Variants in IGF2BP2 observed in about 807,000 individuals in gnomAD.
IGF2BP2 encodes the protein insulin-like growth factor 2 mRNA-binding protein 2.
A neutral mutation model predicts 75.8 loss-of-function variants in IGF2BP2; 17 were observed. The ratio of observed to expected loss-of-function variants is 0.22; its 90% CI spans 0.15 to 0.34. The LOEUF is 0.34. Among genes scored for constraint, IGF2BP2 ranks in the 10% least tolerant of loss-of-function variants. The pLI is 1.00. For missense variants in IGF2BP2, 516 were observed against 772.4 expected (o/e 0.67, Z 3.93); for synonymous variants, 288 against 295.6 (o/e 0.97, Z 0.26).
At chr3:185,680,183 C>T (rs1294535073) in intron 7 of IGF2BP2, among the ~76,000 whole-genome samples, 1 of 152,036 alleles carries the variant, frequency 6.6e-6, no homozygotes, top group Non-Finnish European at 1.5e-5. Context: ...GAATTGTATG[C>T]CTACAAATTT....
intron 2 of IGF2BP2, among the ~76,000 whole-genome samples, chr3:185,720,313 C>G (rs375600303): frequency 1.3e-5 from 2 of 152,166 alleles, no homozygotes; most frequent in South Asian, 2.1e-4. Context: ...TGTAAATACT[C>G]TCACCAAAGC....
At chr3:185,659,105 G>T (rs542505112) in intron 10 of IGF2BP2, among the ~76,000 whole-genome samples, 1 of 152,262 alleles carries the variant, frequency 6.6e-6, no homozygotes, top group South Asian at 2.1e-4. Flanking sequence ...TCTGGTCCCA[G>T]TTACTCAGGA....
intron 12 of IGF2BP2, among the ~76,000 whole-genome samples, chr3:185,654,596 G>A (rs111833973): frequency 7.8e-4 from 119 of 152,360 alleles, no homozygotes; most frequent in Middle Eastern, 3.4e-3. Context: ...GCACTGGCCA[G>A]CCTAGTCCAG....
In IGF2BP2 at chr3:185,749,869, A is replaced by T. The variant is rs149256311; in HGVS notation, c.240-51522T>A. Among the ~76,000 whole-genome samples the T allele has an allele frequency of 8.5e-5, 13 of 152,348 alleles. No individual in the cohort carries two copies. In the East Asian group the frequency reaches 2.1e-3, roughly 25 times the overall value. ...CCAGAAAGAAATGAGCCTGTGCCTG[A>T]GAAAAATCAGGCAAACACACATCTT... is the stretch of plus-strand genomic sequence containing the variant. On this transcript the variant is annotated intron_variant, in intron 2 of 15. Transcript: ENST00000382199.
chr3:185,722,732 C>T (rs976563397), intron 2 of IGF2BP2, among the ~76,000 whole-genome samples: 93 of 152,152 alleles, frequency 6.1e-4, no homozygotes, highest in African/African-American at 2.0e-3. Context: ...TCAGGGCTGG[C>T]GGGTAGAGAA....
chr3:185,717,164 TGGTTTCCTGA>T (rs1725764580), intron 2 of IGF2BP2: 1 of 186,990 alleles, frequency 5.3e-6, no homozygotes, highest in African/African-American at 2.3e-5. Flanking sequence ...TGAGAGAGAC[TGGTTTCCTGA>T]GGGCTGGGCA....
chr3:185,785,059 G>C (rs1735684592), intron 2 of IGF2BP2, among the ~76,000 whole-genome samples: 1 of 152,108 alleles, frequency 6.6e-6, no homozygotes, highest in African/African-American at 2.4e-5. Flanking sequence ...CCAGCATTTT[G>C]GGAGGCAGGG....
chr3:185,820,235 TACACACACACACACACAC>T (rs202064714), intron 2 of IGF2BP2, among the ~76,000 whole-genome samples: 6 of 102,814 alleles, frequency 5.8e-5, no homozygotes, highest in African/African-American at 1.5e-4. Flanking sequence ...TATATACACA[TACACACACACACACACAC>T]ACACACACAC....
chr3:185,728,121 T>A (rs1727614208), intron 2 of IGF2BP2: 1 of 152,258 alleles, frequency 6.6e-6, no homozygotes, highest in African/African-American at 2.4e-5. Flanking sequence ...AAATAAAGAA[T>A]TGACCAGGAC....
intron 2 of IGF2BP2, among the ~76,000 whole-genome samples, chr3:185,807,613 G>A (rs940510275): frequency 6.6e-6 from 1 of 152,164 alleles, no homozygotes; most frequent in Non-Finnish European, 1.5e-5. Flanking sequence ...CTCATCTCCT[G>A]GTATTCAACT....
chr3:185,646,185 G>A (rs1169448694), intron 15 of IGF2BP2, among the ~76,000 whole-genome samples: 1 of 152,206 alleles, frequency 6.6e-6, no homozygotes. Flanking sequence ...CTGAGGAGCT[G>A]AGCTGGGAGA....
chr3:185,726,928 A>G (rs1727412416), intron 2 of IGF2BP2, among the ~76,000 whole-genome samples: 1 of 152,216 alleles, frequency 6.6e-6, no homozygotes, highest in African/African-American at 2.4e-5. Flanking sequence ...AACAGAAGAA[A>G]TTACAGGAGG....
intron 7 of IGF2BP2, among the ~76,000 whole-genome samples, chr3:185,683,151 C>A (rs912430720): frequency 6.6e-6 from 1 of 152,238 alleles, no homozygotes; most frequent in Non-Finnish European, 1.5e-5. Flanking sequence ...ATAACATGAA[C>A]CTTGAGGACA....
chr3:185,689,114 A>G (rs1410902411), intron 6 of IGF2BP2: 2 of 507,450 alleles, frequency 3.9e-6, no homozygotes, highest in African/African-American at 2.0e-5. Context: ...TTACAGGAAC[A>G]GTCCTGGCTG....
intron 12 of IGF2BP2, 46 bp downstream of exon 12, chr3:185,657,240 A>C: frequency 7.6e-7 from 1 of 1,310,094 alleles, no homozygotes; most frequent in Non-Finnish European, 1.1e-6. Flanking sequence ...CCGTGGGATG[A>C]GAGGAGGTGG....
At chr3:185,721,647 C>A (rs190073025) in intron 2 of IGF2BP2, among the ~76,000 whole-genome samples, 20 of 152,098 alleles carry the variant, frequency 1.3e-4, no homozygotes, top group Admixed American at 1.2e-3. Context: ...TGCTGGTTTC[C>A]TCCAGACTAA....
At chr3:185,750,255 T>C (rs1002922104) in intron 2 of IGF2BP2, among the ~76,000 whole-genome samples, 1 of 152,202 alleles carries the variant, frequency 6.6e-6, no homozygotes, top group African/African-American at 2.4e-5. Context: ...TCCAAGGCAC[T>C]GGAAAGCCGC....
At chr3:185,755,151 G>A (rs927227360) in intron 2 of IGF2BP2, among the ~76,000 whole-genome samples, 1 of 152,226 alleles carries the variant, frequency 6.6e-6, no homozygotes, top group African/African-American at 2.4e-5. Flanking sequence ...AGAGGCCTAA[G>A]GAGGAAAGAA....
chr3:185,685,658 C>A (rs543133687), intron 7 of IGF2BP2, among the ~76,000 whole-genome samples: 87 of 152,146 alleles, frequency 5.7e-4, no homozygotes, highest in Non-Finnish European at 1.1e-3. Flanking sequence ...TCTACTTTTT[C>A]TTTTTTTAGG....
Sources: gnomAD v4.1 joint callset for allele counts (sites outside exome capture counted in the v4.1 genomes callset) on GRCh38, gnomAD v4.1.1 for gene constraint, MANE v1.5 for transcripts, NCBI Gene and HGNC (gene_info 2026-07-23, HGNC 2026-07-21) for gene names.